Variants in RIN2 observed in about 807,000 individuals in gnomAD.
The protein encoded by RIN2 is Ras and Rab interactor 2.
In RIN2, 36 loss-of-function variants were observed where a neutral mutation model predicts 78.0. That is an observed-to-expected ratio of 0.46 (90% CI 0.35 to 0.61). The LOEUF (loss-of-function observed/expected upper bound fraction) is 0.61. Among genes scored for constraint, RIN2 ranks in the 20% least tolerant of loss-of-function variants. The pLI, the probability that RIN2 is intolerant of heterozygous loss-of-function variation, is 0.00. For synonymous variants in RIN2, 466 were observed against 466.8 expected (o/e 1.00, Z 0.02); for missense variants, 1,087 against 1,159.7 (o/e 0.94, Z 0.91).
rs58856939 is a variant in RIN2, at chr20:19,944,497, G to A, written c.158+9298G>A. On this transcript the variant is annotated intron_variant, in intron 4 of 12. Transcript: ENST00000255006. ...ATCCTTGATTCATAAGATGACCCCT[G>A]CATTGGCCTCTTGTAGCTAGAAGCC... Among the ~76,000 whole-genome samples the A allele has an allele frequency of 8.0e-3, 1,212 of 152,286 alleles. 17 individuals are homozygous for A. Among genetic ancestry groups the A allele is most frequent in the African/African-American group, 0.027 (1,136 of 41,548 alleles).
intron 1 of RIN2, among the ~76,000 whole-genome samples, chr20:19,764,918 G>GGTTTTTTTTTTTTTT (rs2033804608): frequency 4.0e-5 from 2 of 50,362 alleles, no homozygotes; most frequent in Non-Finnish European, 7.3e-5. Context: ...CACTTTCTGC[G>GGTTTTTTTTTTTTTT]TTTTTTTTTT....
In RIN2 at chr20:19,960,723, C is replaced by A. The variant is rs45481396; in HGVS notation, c.375C>A (p.Thr125=). The A allele has an allele frequency of 1.9e-6, 3 of 1,601,028 alleles. No homozygotes were observed. In the Admixed American group the frequency reaches 5.2e-5, roughly 28 times the overall value. Residue 125 remains threonine, a synonymous_variant, in exon 6 of 13, where the codon ACC becomes ACA. Transcript: ENST00000255006. ...PPGIFLVHKS[T]KMQKKVLSLR... ...AGATCTTCCTGGTTCATAAATCTAC[C>A]AAGATGCAGAAGAAAGTCCTCTCCC...
intron 9 of RIN2, among the ~76,000 whole-genome samples, chr20:19,977,491 C>T (rs529757167): frequency 1.2e-3 from 181 of 152,262 alleles, no homozygotes; most frequent in Non-Finnish European, 1.9e-3. Context: ...AGTATAAGCC[C>T]GGCAGCCTGT....
At chr20:19,980,338 T>G (rs2042407325) in intron 9 of RIN2, among the ~76,000 whole-genome samples, 1 of 152,178 alleles carries the variant, frequency 6.6e-6, no homozygotes, top group Non-Finnish European at 1.5e-5. Context: ...AATTTTTACT[T>G]TAGGGCATCA....
intron 3 of RIN2, among the ~76,000 whole-genome samples, chr20:19,923,473 T>TAAAATAAAATAAAA (rs2040016165): frequency 1.0e-5 from 1 of 95,940 alleles, no homozygotes; most frequent in Non-Finnish European, 2.3e-5. Context: ...ATAAAATAAA[T>TAAAATAAAATAAAA]AAAATAAAAT....
intron 4 of RIN2, among the ~76,000 whole-genome samples, chr20:19,947,171 C>CA (rs1319760996): frequency 8.6e-5 from 13 of 152,018 alleles, no homozygotes; most frequent in African/African-American, 3.1e-4. Context: ...TTTTGGGAAA[C>CA]ATTGTCAGTT....
At chr20:19,978,848 A>G (rs1310041773) in intron 9 of RIN2, among the ~76,000 whole-genome samples, 1 of 152,226 alleles carries the variant, frequency 6.6e-6, no homozygotes, top group African/African-American at 2.4e-5. Context: ...AAATGCTTTA[A>G]TAAGAAGTGT....
At chr20:19,811,266 G>A (rs973673405) in intron 2 of RIN2, among the ~76,000 whole-genome samples, 1 of 152,024 alleles carries the variant, frequency 6.6e-6, no homozygotes, top group African/African-American at 2.4e-5. Context: ...CATTGGCAAC[G>A]GGGGCTCAGT....
intron 1 of RIN2, among the ~76,000 whole-genome samples, chr20:19,767,922 CA>C (rs61365306): frequency 0.041 from 5,101 of 124,518 alleles, 156 homozygotes; most frequent in African/African-American, 0.094. Flanking sequence ...AAAACTGTCT[CA>C]AAAAAAAAAA....
At chr20:19,936,609 C>G (rs1013822025) in intron 4 of RIN2, among the ~76,000 whole-genome samples, 1 of 152,154 alleles carries the variant, frequency 6.6e-6, no homozygotes, top group Admixed American at 6.5e-5. Flanking sequence ...CATATAAGCA[C>G]AGGGGATTTT....
chr20:19,914,188 C>A (rs143890623), intron 3 of RIN2, among the ~76,000 whole-genome samples: 8 of 152,310 alleles, frequency 5.3e-5, no homozygotes, highest in African/African-American at 9.6e-5. Context: ...CTGTCTTTAA[C>A]CACTCACCTG....
chr20:19,803,676 C>T (rs1479589683), intron 2 of RIN2, among the ~76,000 whole-genome samples: 2 of 152,182 alleles, frequency 1.3e-5, no homozygotes, highest in Admixed American at 1.3e-4. Flanking sequence ...CTTACCTGTA[C>T]AGACTCTTTT....
chr20:19,762,793 C>T (rs1273080064), intron 1 of RIN2, among the ~76,000 whole-genome samples: 2 of 150,336 alleles, frequency 1.3e-5, no homozygotes, highest in Non-Finnish European at 3.0e-5. Context: ...GATAGAGTTT[C>T]GCTCTTGTTG....
At chr20:19,888,560 G>A (rs1166314090) in intron 2 of RIN2, among the ~76,000 whole-genome samples, 1 of 152,186 alleles carries the variant, frequency 6.6e-6, no homozygotes, top group Admixed American at 6.5e-5. Flanking sequence ...ATTCCTTGAT[G>A]GTGCAAGAGA....
At chr20:19,851,733 A>G (rs1406283874) in intron 2 of RIN2, among the ~76,000 whole-genome samples, 4 of 152,124 alleles carry the variant, frequency 2.6e-5, no homozygotes, top group Non-Finnish European at 4.4e-5. Flanking sequence ...TTGGGCTCCC[A>G]AGAGCTCTAG....
chr20:19,891,201 G>T (rs79900760), intron 3 of RIN2, among the ~76,000 whole-genome samples: 2,950 of 152,260 alleles, frequency 0.019, 87 homozygotes, highest in African/African-American at 0.068. Context: ...GTTCTCAAAT[G>T]ATTTACTCAG....
At chr20:19,961,146 T>C (rs568721042) in intron 6 of RIN2, among the ~76,000 whole-genome samples, 2 of 152,326 alleles carry the variant, frequency 1.3e-5, no homozygotes, top group South Asian at 4.1e-4. Context: ...TGCCAGTGAC[T>C]AAGTTGCAAG....
intron 3 of RIN2, among the ~76,000 whole-genome samples, chr20:19,917,622 A>G (rs1278061401): frequency 6.6e-6 from 1 of 152,238 alleles, no homozygotes; most frequent in Non-Finnish European, 1.5e-5. Flanking sequence ...ATCCATACAT[A>G]AGTGCAGCCA....
chr20:19,993,864 A>T (rs1189949026), intron 11 of RIN2, among the ~76,000 whole-genome samples: 1 of 152,218 alleles, frequency 6.6e-6, no homozygotes, highest in Non-Finnish European at 1.5e-5. Context: ...AGCTTCGATC[A>T]TGTTTAATTC....
Sources: gnomAD v4.1 joint callset for allele counts (sites outside exome capture counted in the v4.1 genomes callset) on GRCh38, gnomAD v4.1.1 for gene constraint, MANE v1.5 for transcripts, NCBI Gene and HGNC (gene_info 2026-07-23, HGNC 2026-07-21) for gene names.